DNMT3L: variants seen among roughly 807,000 people sequenced by gnomAD.
DNMT3L encodes the protein DNA methyltransferase 3 like.
DNMT3L carries 33 observed loss-of-function variants against 36.2 expected under a neutral mutation model. The observed-to-expected ratio is 0.91, with a 90% CI of 0.69 to 1.22. The LOEUF is 1.22. Among genes scored for constraint, DNMT3L ranks in the 50% most tolerant of loss-of-function variants. The pLI is 0.00. For missense variants in DNMT3L, 310 were observed against 303.1 expected, an observed-to-expected ratio of 1.02 and a Z score of -0.17; for synonymous variants, 117 against 121.7, an observed-to-expected ratio of 0.96 and a Z score of 0.26.
chr21:44,254,100 G>A (rs1403175269), intron 8 of DNMT3L, among the ~76,000 whole-genome samples: 1 of 152,188 alleles, frequency 6.6e-6, no homozygotes, highest in Admixed American at 6.5e-5. Context: ...CCAAGGCAGC[G>A]GGGAATCTGG....
intron 1 of DNMT3L, among the ~76,000 whole-genome samples, 169 bp from the exon 2 acceptor site, chr21:44,261,435 C>G (rs1025197965): frequency 4.6e-5 from 7 of 152,192 alleles, no homozygotes; most frequent in African/African-American, 1.7e-4. Context: ...AGGGGCAGGA[C>G]AGCCAAGGCC....
chr21:44,259,922 T>G (rs1245604553), intron 3 of DNMT3L, among the ~76,000 whole-genome samples: 1 of 152,036 alleles, frequency 6.6e-6, no homozygotes, highest in East Asian at 1.9e-4. Flanking sequence ...TGGTGGCTCA[T>G]GCCTGTAATT....
intron 5 of DNMT3L, 60 bp downstream of exon 5, chr21:44,259,377 G>T: frequency 6.5e-7 from 1 of 1,530,158 alleles, no homozygotes; most frequent in Non-Finnish European, 9.0e-7. Context: ...AGAATGAGTA[G>T]CTGAAAGGAT....
At chr21:44,256,244 C>T (rs1370766009) in intron 6 of DNMT3L, 90 bp from the exon 7 acceptor site, 61 of 1,342,772 alleles carry the variant, frequency 4.5e-5, no homozygotes, top group Non-Finnish European at 6.2e-5. Context: ...CCTGGATGAA[C>T]ACTCACTCGA....
At chr21:44,256,320 G>GC (rs57964258) in intron 6 of DNMT3L, among the ~76,000 whole-genome samples, 166 bp from the exon 7 acceptor site, 7 of 151,310 alleles carry the variant, frequency 4.6e-5, no homozygotes, top group Admixed American at 2.6e-4. Flanking sequence ...GACCAGCACT[G>GC]CCCCCCCAGG....
At chr21:44,254,569 G>T in intron 8 of DNMT3L, 48 bp downstream of exon 8, 1 of 1,594,028 alleles carries the variant, frequency 6.3e-7, no homozygotes, top group Non-Finnish European at 8.6e-7. Context: ...GAGGAAGCTC[G>T]CACCCCCGCT....
At chr21:44,260,575 C>T (rs112907065) in intron 3 of DNMT3L, among the ~76,000 whole-genome samples, 2 of 152,264 alleles carry the variant, frequency 1.3e-5, no homozygotes, top group African/African-American at 4.8e-5. Context: ...AACTCAGCCT[C>T]CTGAGTAGCT....
Position 44,258,637 on chromosome 21 carries a change from C to A in DNMT3L, c.402G>T (p.Val134=). ...AGCACACCCAGTTGCTCATGGCGTG[C>A]ACCTTCCCCGAGGTCCCGGGGCCGA... ...SLVGPGTSGK[V]HAMSNWVCYL... The change falls in exon 6 of 12, where the codon GTG becomes GTT. Residue 134 remains valine (V), a synonymous_variant. Transcript: ENST00000628202. The surrounding 1 kb of genome is among the most constrained non-coding windows in gnomAD (Gnocchi z 6.2). The A allele has an allele frequency of 1.2e-6, 2 of 1,612,894 alleles. No individual in the cohort carries two copies. The highest frequency in any genetic ancestry group is 1.7e-6 in the Non-Finnish European group (2 of 1,179,972).
intron 1 of DNMT3L, among the ~76,000 whole-genome samples, chr21:44,261,468 C>G (rs925230480): frequency 6.6e-6 from 1 of 152,206 alleles, no homozygotes; most frequent in African/African-American, 2.4e-5. Context: ...GAGAGGGGCT[C>G]AAGGGTCCCC....
At position 44,258,728 on chromosome 21, in the gene DNMT3L, TGACAGCCCA is replaced by T; in HGVS notation, c.345-43_345-35del. On this transcript the variant is annotated intron_variant, in intron 5 of 11. Transcript: ENST00000628202. The surrounding 1 kb of genome is among the most constrained non-coding windows in gnomAD (Gnocchi z 6.2). The stretch of plus-strand genomic sequence containing the variant: ...AGACAGAAAACCACAGCAGCGGACA[TGACAGCCCA>T]CCTCTCCTGAGGATGGCAGAGGTGG... 6.2e-7 allele frequency: 1 copy of T among 1,602,324 alleles called. No homozygotes were observed. Among genetic ancestry groups the T allele is most frequent in the Non-Finnish European group, 8.5e-7 (1 of 1,172,726 alleles).
chr21:44,255,787 G>A (rs1167258221), intron 7 of DNMT3L, among the ~76,000 whole-genome samples: 1 of 152,248 alleles, frequency 6.6e-6, no homozygotes, highest in African/African-American at 2.4e-5. Context: ...TGAGACACTT[G>A]TGGGCCTTAG....
Position 44,259,671 on chromosome 21 carries a change from C to CTG in DNMT3L, c.190_191dup (p.Gln64HisfsTer75). ...AGATCCCTCCCTCAAACAGAGGGTG[C>CTG]TGTGTGTGAACCTGGAGACTTCCGC... On this transcript the variant is annotated frameshift_variant, in exon 4 of 12. Coordinates refer to ENST00000628202, the MANE Select transcript of DNMT3L (RefSeq NM_175867.3). LOFTEE classifies it high-confidence loss of function. 6.2e-7 allele frequency: 1 copy of CTG among 1,612,998 alleles called. No individual in the cohort carries two copies. Among genetic ancestry groups the CTG allele is most frequent in the Non-Finnish European group, 8.5e-7 (1 of 1,179,716 alleles).
At chr21:44,257,705 T>TA (rs1568916386) in intron 6 of DNMT3L, among the ~76,000 whole-genome samples, 1 of 82,276 alleles carries the variant, frequency 1.2e-5, no homozygotes, top group Non-Finnish European at 2.2e-5. Flanking sequence ...AATAAATAAA[T>TA]AAATAAATAA....
chr21:44,257,789 T>C (rs2040276216), intron 6 of DNMT3L, among the ~76,000 whole-genome samples: 1 of 152,200 alleles, frequency 6.6e-6, no homozygotes, highest in African/African-American at 2.4e-5. Context: ...CCAGAGGTTT[T>C]GAAGTGAAGG....
chr21:44,258,534 C>G lies in DNMT3L; in HGVS notation c.505G>C (p.Asp169His), dbSNP rs756247540. The G allele has an allele frequency of 6.4e-7, 1 of 1,574,540 alleles. No individual in the cohort carries two copies. The highest frequency in any genetic ancestry group is 2.3e-5 in the East Asian group (1 of 42,744). ...KWRSQLKAFY[D>H]RESENPLEMF... ...CACGGGCTCCTTACCGACTCTCGGT[C>G]GTAGAAGGCCTTGAGCTGGCTGCGC... Residue 169 changes from aspartate (D) to histidine (H), a missense_variant, in exon 6 of 12, where the codon GAC becomes CAC. Physicochemically the swap from Asp to His is moderately conservative, Grantham distance 81 (BLOSUM62 -1). Transcript: ENST00000628202. The surrounding 1 kb of genome is among the most constrained non-coding windows in gnomAD (Gnocchi z 6.2).
intron 3 of DNMT3L, 24 bp from the exon 4 acceptor site, chr21:44,259,735 CTG>C: frequency 1.3e-6 from 2 of 1,595,074 alleles, no homozygotes; most frequent in African/African-American, 1.3e-5. Flanking sequence ...TCAAAGCACA[CTG>C]TGTTTTCCCA....
intron 7 of DNMT3L, among the ~76,000 whole-genome samples, chr21:44,255,811 G>A (rs113439192): frequency 1.3e-5 from 2 of 152,222 alleles, no homozygotes; most frequent in African/African-American, 4.8e-5. Flanking sequence ...GTGTCCCAGC[G>A]GGACACATCC....
chr21:44,261,287 A>G (rs908402102), intron 1 of DNMT3L, 21 bp from the exon 2 acceptor site: 1 of 1,607,632 alleles, frequency 6.2e-7, no homozygotes, highest in Non-Finnish European at 8.5e-7. Context: ...ACACACGGAC[A>G]CAGATGTGAG....
In DNMT3L at chr21:44,254,663, C is replaced by G; in HGVS notation, c.647G>C (p.Gly216Ala). 6.2e-7 allele frequency: 1 copy of G among 1,614,042 alleles called. No individual in the cohort carries two copies. Among genetic ancestry groups the G allele is most frequent in the Non-Finnish European group, 8.5e-7 (1 of 1,179,998 alleles). The change falls in exon 8 of 12, where the codon GGA becomes GCA. Residue 216 changes from glycine (G) to alanine (A), a missense_variant. Transcript: ENST00000628202. The part of the protein sequence containing the change: ...LGFLESGSDP[G>A]QLKHVVDVTD... ...GACATCAACCACATGCTTCAGTTGT[C>G]CCGGGTCAGAACCACTTTCCAAAAA...
Sources: allele counts gnomAD v4.1 joint callset (sites outside exome capture counted in the v4.1 genomes callset), GRCh38; gene constraint gnomAD v4.1.1; non-coding constraint Gnocchi (gnomAD v3.1); transcripts MANE v1.5; gene names NCBI Gene and HGNC (gene_info 2026-07-23, HGNC 2026-07-21).